CHRNE: variants seen among roughly 807,000 people sequenced by gnomAD.
The protein encoded by CHRNE is acetylcholine receptor subunit epsilon.
Under a neutral mutation model 56.5 loss-of-function variants are expected in CHRNE, and 58 were observed. That is an observed-to-expected ratio of 1.03 (90% CI 0.83 to 1.28). The LOEUF (loss-of-function observed/expected upper bound fraction) is 1.28, where lower values mean the gene tolerates loss of function less well. Ranked by LOEUF, CHRNE falls within the 50% of genes most tolerant of loss-of-function variation. The probability of loss-of-function intolerance (pLI) is 0.00; values close to 1 mark genes in which losing one functional copy is unlikely to be tolerated. For synonymous variants in CHRNE, 385 were observed against 297.9 expected (o/e 1.29, Z -3.01); for missense variants, 793 against 688.9 (o/e 1.15, Z -1.69).
In CHRNE at chr17:4,899,353, C is replaced by T. The variant is rs1295826534; in HGVS notation, c.1064G>A (p.Gly355Asp). ...VLLELLPRLL[G>D]SPPPPEAPRA... is the part of the protein sequence containing the mutation. ...GGGGGCCTCGGGCGGCGGCGGGGAG[C>T]CCAGGAGGCGCGGCAGCAGCTCCAG... The change falls in exon 10 of 12, where the codon GGC (glycine) becomes GAC (aspartate). Residue 355 changes from glycine (G) to aspartate (D), a missense_variant. Coordinates refer to ENST00000649488, the MANE Select transcript of CHRNE (RefSeq NM_000080.4). 1.3e-6 allele frequency: 2 copies of T among 1,538,990 alleles called. No individual in the cohort carries two copies. The highest frequency in any genetic ancestry group is 1.7e-6 in the Non-Finnish European group (2 of 1,148,534).
rs12602789 is a variant in CHRNE, at chr17:4,902,954, C to T, written c.46+64G>A. 171,779 of 1,607,338 alleles carry T rather than the reference C, an allele frequency of 0.11. 16,745 individuals carry two copies. The highest frequency in any genetic ancestry group is 0.5 in the East Asian group (22,344 of 44,774). On this transcript the variant is annotated intron_variant, in intron 1 of 11. Transcript: ENST00000649488. The surrounding 1 kb of genome is among the most constrained non-coding windows in gnomAD (Gnocchi z 4.0). ...TCTCCATCTTGGTCTCTGTCTTTGT[C>T]TTCCCAGTCCCTTCATGTCAGTATC...
Position 4,898,313 on chromosome 17 carries a change from G to T in CHRNE, c.*423C>A. ...TTTGGTTCCCACCCGCTCCAGCAGA[G>T]CCAGACCAGGGAAGAAGAGGGTTTC... On this transcript the variant is annotated 3_prime_UTR_variant, in exon 12 of 12. Coordinates refer to ENST00000649488, the MANE Select transcript of CHRNE (RefSeq NM_000080.4). The T allele has an allele frequency of 3.4e-6, 1 of 295,252 alleles. No homozygotes were observed. The highest frequency in any genetic ancestry group is 6.6e-6 in the Non-Finnish European group (1 of 150,722). The allele number at this position is 295,252 out of a possible 1,614,324, so 18.3% of individuals were successfully genotyped here.
chr17:4,902,709 T>C lies in CHRNE; in HGVS notation c.101A>G (p.Asn34Ser). The C allele has an allele frequency of 2.5e-6, 4 of 1,614,008 alleles. No individual in the cohort carries two copies. The highest frequency in any genetic ancestry group is 2.2e-5 in the South Asian group (2 of 91,082). The change falls in exon 2 of 12, where the codon AAC (asparagine) becomes AGC (serine). Residue 34 changes from asparagine (N) to serine (S), a missense_variant. Transcript: ENST00000649488. This position sits in a 1 kb window ranked among gnomAD's most constrained non-coding sequence, Gnocchi z 4.0. Reference protein sequence around the residue: ...ELRLYHHLFNNYDPGSRPVRE... With the variant: ...ELRLYHHLFNSYDPGSRPVRE... ...CACTGGCCGGCTTCCTGGGTCATAG[T>C]TGTTGAAGAGATGGTGATAAAGACG...
intron 8 of CHRNE, chr17:4,900,571 G>T: frequency 6.5e-7 from 1 of 1,549,574 alleles, no homozygotes; most frequent in South Asian, 1.2e-5. Context: ...CACTGAGCCG[G>T]ACTGTCCCCC....
Position 4,901,493 on chromosome 17 carries a change from A to G in CHRNE, c.601+32T>C, listed in dbSNP as rs2151097696. 3 of 1,599,180 alleles carry G rather than the reference A, an allele frequency of 1.9e-6. No individual in the cohort carries two copies. The East Asian group carries it at 6.7e-5, about 36-fold the overall frequency. ...GTCCCCTCTCTGGACCCCGTCTAGA[A>G]GCGGGTTTTTCTGAGCAGGCAGGGG... On this transcript the variant is annotated intron_variant, in intron 6 of 11. Coordinates refer to ENST00000649488, the MANE Select transcript of CHRNE (RefSeq NM_000080.4).
chr17:4,902,585 G>A lies in CHRNE; in HGVS notation c.189+36C>T, dbSNP rs749542323. ...GCTCAGCGGTTGGGGCCAGAAGTGGGATTTTTGGCTTAAGATGAGGGTGGG... is the reference window on the plus strand; with the variant it reads ...GCTCAGCGGTTGGGGCCAGAAGTGGAATTTTTGGCTTAAGATGAGGGTGGG... On this transcript the variant is annotated intron_variant, in intron 2 of 11. Transcript: ENST00000649488. This position sits in a 1 kb window ranked among gnomAD's most constrained non-coding sequence, Gnocchi z 4.0. The A allele has an allele frequency of 2.4e-5, 38 of 1,614,162 alleles. No homozygotes were observed. The highest frequency in any genetic ancestry group is 3.2e-5 in the Non-Finnish European group (38 of 1,180,032).
chr17:4,901,691 C>A, intron 5 of CHRNE, 66 bp from the exon 6 acceptor site: 1 of 1,497,132 alleles, frequency 6.7e-7, no homozygotes, highest in East Asian at 2.3e-5. Flanking sequence ...CAGGCCCAGC[C>A]CTGGAAGCTG....
At chr17:4,900,358 T>C (rs765204127) in intron 8 of CHRNE, 101 of 1,547,650 alleles carry the variant, frequency 6.5e-5, no homozygotes, top group Non-Finnish European at 8.0e-5. Context: ...GGGCAGGGGG[T>C]TCGGCAAGCT....
At chr17:4,900,460 T>C (rs908310523) in intron 8 of CHRNE, 8 of 1,550,966 alleles carry the variant, frequency 5.2e-6, no homozygotes, top group Non-Finnish European at 6.1e-6. Flanking sequence ...GCCTCATTCC[T>C]GCGACAGTCG....
chr17:4,902,216 C>T lies in CHRNE; in HGVS notation c.344+1G>A, dbSNP rs879253722. 1 of 1,614,060 alleles carries T rather than the reference C, an allele frequency of 6.2e-7. No individual in the cohort carries two copies. Among genetic ancestry groups the T allele is most frequent in the Non-Finnish European group, 8.5e-7 (1 of 1,179,982 alleles). ...AGCCTGGCGTCTGGCCCGGTTCTCA[C>T]TTGTTTTCCAGCACAATCTCTGGCA... On this transcript the variant is annotated splice_donor_variant, in intron 4 of 11. Coordinates refer to ENST00000649488, the MANE Select transcript of CHRNE (RefSeq NM_000080.4). LOFTEE classifies it high-confidence loss of function. The surrounding 1 kb of genome is among the most constrained non-coding windows in gnomAD (Gnocchi z 4.0).
intron 8 of CHRNE, chr17:4,900,217 C>A (rs764886473): frequency 4.5e-6 from 7 of 1,545,286 alleles, no homozygotes; most frequent in South Asian, 1.2e-5. Context: ...TCCCCGCTAA[C>A]CCCTGTGCCC....
rs767412916 is a variant in CHRNE, at chr17:4,902,375, C to T, written c.235-49G>A. On this transcript the variant is annotated intron_variant, in intron 3 of 11. Coordinates refer to ENST00000649488, the MANE Select transcript of CHRNE (RefSeq NM_000080.4). The surrounding 1 kb of genome is among the most constrained non-coding windows in gnomAD (Gnocchi z 4.0). ...CGCGTGCCCTGCATCTCCCACCTGG[C>T]GCTGCCTGGGAGGGGTTTGGGGGAA... 3 of 1,613,222 alleles carry T rather than the reference C, an allele frequency of 1.9e-6. No individual in the cohort carries two copies. The highest frequency in any genetic ancestry group is 1.3e-5 in the African/African-American group (1 of 74,912).
At chr17:4,901,766 T>A (rs557691162) in intron 5 of CHRNE, 141 bp from the exon 6 acceptor site, 1 of 1,239,908 alleles carries the variant, frequency 8.1e-7, no homozygotes, top group Non-Finnish European at 1.2e-6. Context: ...ACGCCTCTGT[T>A]CCCATCTGTA....
At position 4,899,144 on chromosome 17, in the gene CHRNE, TC is replaced by T. The variant is rs554099467; in HGVS notation, c.1220-38del. On this transcript the variant is annotated intron_variant, in intron 10 of 11. Transcript: ENST00000649488. ...AACACCGGGGTGGGCCTTAGGAGCC[TC>T]CCCCCTGGCAGGCACCCCGCGCGGC... is the stretch of plus-strand genomic sequence containing the variant. 9 of 1,595,838 alleles carry T rather than the reference TC, an allele frequency of 5.6e-6. No homozygotes were observed. In the East Asian group the frequency reaches 6.8e-5, roughly 12 times the overall value.
chr17:4,901,237 G>T (rs1036405246), intron 6 of CHRNE, 47 bp from the exon 7 acceptor site: 1 of 1,583,100 alleles, frequency 6.3e-7, no homozygotes, highest in South Asian at 1.1e-5. Context: ...CGGGGCGCCC[G>T]CCGAGCTGAC....
upstream of CHRNE, among the ~76,000 whole-genome samples, chr17:4,906,039 T>G (rs1970089307): frequency 6.6e-6 from 1 of 152,182 alleles, no homozygotes; most frequent in Admixed American, 6.6e-5. Flanking sequence ...CCCCCTACTT[T>G]GCATGTCCCC....
intron 5 of CHRNE, 30 bp from the exon 6 acceptor site, chr17:4,901,655 A>G (rs1567639193): frequency 6.3e-7 from 1 of 1,599,252 alleles, no homozygotes; most frequent in African/African-American, 1.3e-5. Flanking sequence ...AGCCCACCCC[A>G]GAAGCTCTGA....
intron 6 of CHRNE, 104 bp from the exon 7 acceptor site, chr17:4,901,294 C>T (rs1969977074): frequency 6.8e-6 from 9 of 1,315,082 alleles, no homozygotes; most frequent in Admixed American, 1.8e-5. Context: ...GGGTCATGGG[C>T]CGTCAGGATG....
chr17:4,901,522 C>CA lies in CHRNE; in HGVS notation c.601+2dup. ...GGTTTTTCTGAGCAGGCAGGGGCTT[C>CA]ACCAGTATAGGCCTCTGTGTCGATG... On this transcript the variant is annotated splice_region_variant and intron_variant, in intron 6 of 11. Transcript: ENST00000649488. 1 of 1,613,968 alleles carries CA rather than the reference C, an allele frequency of 6.2e-7. No homozygotes were observed. Among genetic ancestry groups the CA allele is most frequent in the Non-Finnish European group, 8.5e-7 (1 of 1,179,806 alleles).
Sources: gnomAD v4.1 joint callset for allele counts (sites outside exome capture counted in the v4.1 genomes callset) on GRCh38, gnomAD v4.1.1 for gene constraint, Gnocchi (gnomAD v3.1) non-coding constraint, MANE v1.5 for transcripts, NCBI Gene and HGNC (gene_info 2026-07-23, HGNC 2026-07-21) for gene names.